RORB: variants seen among roughly 807,000 people sequenced by gnomAD.
RORB encodes nuclear receptor ROR-beta.
A neutral mutation model predicts 59.1 loss-of-function variants in RORB; 6 were observed. The observed-to-expected ratio is 0.10, with a 90% confidence interval of 0.06 to 0.20. The LOEUF (loss-of-function observed/expected upper bound fraction) is 0.20, where lower values mean the gene tolerates loss of function less well. Among genes scored for constraint, RORB ranks in the 10% least tolerant of loss-of-function variants. RORB has a pLI of 1.00. For synonymous variants in RORB, 215 were observed against 204.5 expected (o/e 1.05, Z -0.44); for missense variants, 320 against 560.5 (o/e 0.57, Z 4.33).
At chr9:74,567,759 A>G (rs1306084626) in intron 1 of RORB, among the ~76,000 whole-genome samples, 1 of 152,166 alleles carries the variant, frequency 6.6e-6, no homozygotes, top group East Asian at 1.9e-4. Context: ...CAGCAGTCCC[A>G]TTTTCAAAAC....
At chr9:74,636,140 T>A (rs982589583) in intron 3 of RORB, among the ~76,000 whole-genome samples, 3 of 152,164 alleles carry the variant, frequency 2.0e-5, no homozygotes, top group Admixed American at 6.6e-5. Context: ...TGGGTACTTC[T>A]GTATAATCAA....
intron 1 of RORB, among the ~76,000 whole-genome samples, chr9:74,535,324 T>G (rs1168581258): frequency 3.3e-5 from 5 of 152,072 alleles, no homozygotes; most frequent in African/African-American, 1.2e-4. Flanking sequence ...TAAGCAGATC[T>G]TTTTTCCCAC....
chr9:74,618,520 T>C (rs565035924), intron 1 of RORB, among the ~76,000 whole-genome samples: 1 of 152,300 alleles, frequency 6.6e-6, no homozygotes, highest in East Asian at 1.9e-4. Context: ...ATAGCCTCCT[T>C]CTTTTCTCTG....
chr9:74,499,539 T>C (rs1825776700), intron 1 of RORB, among the ~76,000 whole-genome samples: 1 of 152,146 alleles, frequency 6.6e-6, no homozygotes, highest in African/African-American at 2.4e-5. Flanking sequence ...ATGGTCTTGA[T>C]TGGCCGGCTC....
chr9:74,642,923 A>G, intron 4 of RORB, 108 bp downstream of exon 4: 1 of 750,182 alleles, frequency 1.3e-6, no homozygotes, highest in Non-Finnish European at 2.1e-6. Flanking sequence ...AATTACTTGG[A>G]TTCACAGCTT....
chr9:74,670,399 A>G (rs1481418936), intron 8 of RORB, among the ~76,000 whole-genome samples: 1 of 152,218 alleles, frequency 6.6e-6, no homozygotes, highest in Non-Finnish European at 1.5e-5. Context: ...GAAATATTAA[A>G]TGTATTAAAT....
intron 1 of RORB, among the ~76,000 whole-genome samples, chr9:74,576,681 G>C (rs950248783): frequency 2.0e-5 from 3 of 151,902 alleles, no homozygotes; most frequent in African/African-American, 7.3e-5. Context: ...TTTTGAACCC[G>C]CCTGGGAAAG....
chr9:74,588,747 T>A (rs983153565), intron 1 of RORB, among the ~76,000 whole-genome samples: 1 of 152,246 alleles, frequency 6.6e-6, no homozygotes, highest in African/African-American at 2.4e-5. Flanking sequence ...AAGCTATCAA[T>A]GGAATCTTGT....
At chr9:74,670,773 G>A (rs1443120854) in intron 8 of RORB, among the ~76,000 whole-genome samples, 1 of 152,224 alleles carries the variant, frequency 6.6e-6, no homozygotes, top group Non-Finnish European at 1.5e-5. Context: ...AAACAGCTTA[G>A]GGAAGGGAGA....
intron 2 of RORB, among the ~76,000 whole-genome samples, chr9:74,632,261 C>A (rs963819366): frequency 2.0e-5 from 3 of 152,062 alleles, no homozygotes; most frequent in African/African-American, 7.2e-5. Flanking sequence ...AATCCACAAT[C>A]AAAGAAATTA....
intron 1 of RORB, among the ~76,000 whole-genome samples, chr9:74,535,636 C>T (rs555487612): frequency 2.0e-5 from 3 of 151,908 alleles, no homozygotes; most frequent in Non-Finnish European, 4.4e-5. Flanking sequence ...GAGAAACTCC[C>T]TTTGTCATTT....
chr9:74,556,921 G>T (rs1822302432), intron 1 of RORB, among the ~76,000 whole-genome samples: 1 of 152,174 alleles, frequency 6.6e-6, no homozygotes, highest in Admixed American at 6.6e-5. Flanking sequence ...AATGTCAATA[G>T]ATTCTGGATG....
intron 4 of RORB, among the ~76,000 whole-genome samples, chr9:74,655,353 A>G (rs1286022084): frequency 6.6e-6 from 1 of 152,146 alleles, no homozygotes; most frequent in African/African-American, 2.4e-5. Flanking sequence ...TTCCTGTTGG[A>G]CTTACTATTC....
At chr9:74,513,047 A>G (rs1437720886) in intron 1 of RORB, among the ~76,000 whole-genome samples, 1 of 152,198 alleles carries the variant, frequency 6.6e-6, no homozygotes, top group African/African-American at 2.4e-5. Context: ...TATTCAAATT[A>G]TCAGTTATTG....
intron 1 of RORB, among the ~76,000 whole-genome samples, chr9:74,588,821 T>G (rs1822845968): frequency 6.6e-6 from 1 of 152,316 alleles, no homozygotes; most frequent in South Asian, 2.1e-4. Flanking sequence ...AAGCAAGATA[T>G]CTTTTAATCC....
At position 74,671,907 on chromosome 9, in the gene RORB, TC is replaced by T; in HGVS notation, c.1224+8del. On this transcript the variant is annotated splice_region_variant and intron_variant, in intron 9 of 9. Coordinates refer to ENST00000376896, the MANE Select transcript of RORB (RefSeq NM_006914.4). ...ATGATGAGACCTTGGCAAAGGTAGG[TC>T]CACAGATCACAGAGCCACCACCACC... 1 of 1,524,612 alleles carries T rather than the reference TC, an allele frequency of 6.6e-7. No homozygotes were observed. Among genetic ancestry groups the T allele is most frequent in the Non-Finnish European group, 9.1e-7 (1 of 1,102,832 alleles). 94.4% of individuals were successfully genotyped at this position (1,524,612 alleles called of 1,614,324 possible).
chr9:74,677,976 A>C (rs941853083), intron 9 of RORB, among the ~76,000 whole-genome samples: 9 of 152,204 alleles, frequency 5.9e-5, no homozygotes, highest in Non-Finnish European at 1.3e-4. Flanking sequence ...TGGAGGAAAA[A>C]ATCAAGTGCC....
intron 1 of RORB, among the ~76,000 whole-genome samples, chr9:74,558,083 A>G (rs1323785425): frequency 3.3e-5 from 5 of 152,180 alleles, no homozygotes; most frequent in Admixed American, 2.6e-4. Context: ...TTCATTATGT[A>G]TATATTTTCA....
chr9:74,623,018 A>G (rs963819149), intron 1 of RORB, among the ~76,000 whole-genome samples: 1 of 152,182 alleles, frequency 6.6e-6, no homozygotes, highest in African/African-American at 2.4e-5. Context: ...ATCTGCCTCA[A>G]TGAGACAGGA....
Sources: allele counts gnomAD v4.1 joint callset (sites outside exome capture counted in the v4.1 genomes callset), GRCh38; gene constraint gnomAD v4.1.1; transcripts MANE v1.5; gene names NCBI Gene and HGNC (gene_info 2026-07-23, HGNC 2026-07-21).